Variants in CACNA1E observed in about 807,000 individuals in gnomAD.
CACNA1E encodes voltage-dependent R-type calcium channel subunit alpha-1E.
Under a neutral mutation model 259.2 loss-of-function variants are expected in CACNA1E, and 40 were observed. The observed-to-expected ratio is 0.15, with a 90% CI of 0.12 to 0.20. CACNA1E has a LOEUF of 0.20. Ranked by LOEUF, CACNA1E falls within the 10% of genes least tolerant of loss-of-function variation. The pLI, the probability that CACNA1E is intolerant of heterozygous loss-of-function variation, is 1.00. For synonymous variants in CACNA1E, 1,104 were observed against 1,138.5 expected (o/e 0.97, Z 0.61); for missense variants, 1,874 against 3,040.1 (o/e 0.62, Z 9.02).
chr1:181,635,121 C>T (rs924709722), intron 6 of CACNA1E, among the ~76,000 whole-genome samples: 1 of 152,236 alleles, frequency 6.6e-6, no homozygotes, highest in Non-Finnish European at 1.5e-5. Flanking sequence ...TGCTATGAAG[C>T]AGCCTTTCCA....
At chr1:181,567,037 A>G (rs1253379058) in intron 3 of CACNA1E, among the ~76,000 whole-genome samples, 2 of 152,154 alleles carry the variant, frequency 1.3e-5, no homozygotes, top group Non-Finnish European at 2.9e-5. Flanking sequence ...CCAAACATCA[A>G]TACAACATCT....
rs1160746865 is a variant in CACNA1E, at chr1:181,731,199, C to T, written c.2265C>T (p.His755=). 1.2e-6 allele frequency: 2 copies of T among 1,613,734 alleles called. No individual in the cohort carries two copies. The highest frequency in any genetic ancestry group is 1.7e-5 in the Admixed American group (1 of 60,002). The change falls in exon 19 of 48, where the codon CAC becomes CAT. Residue 755 remains histidine, a synonymous_variant. Transcript: ENST00000367573. ...GAAGAGACAGAAGGAGAAGACACCA[C>T]ATGTCGATGTGGGAGCCACGCAGCA... is the stretch of plus-strand genomic sequence containing the variant. ...SIERDRRRRH[H]MSMWEPRSSH...
rs1339055551 is a variant in CACNA1E, at chr1:181,805,314, C to T, written c.*6480C>T. The T allele has an allele frequency of 1.3e-5, 2 of 152,002 alleles. No homozygotes were observed. Among genetic ancestry groups the T allele is most frequent in the Admixed American group, 6.5e-5 (1 of 15,268 alleles). 9.4% of individuals were successfully genotyped at this position (152,002 alleles called of 1,614,324 possible). On this transcript the variant is annotated 3_prime_UTR_variant, in exon 48 of 48. Transcript: ENST00000367573. ...CCAGTACTCTAATTTTTTTTTATGG[C>T]AATGGCCTATATGGCACAAGAACCA... is the stretch of plus-strand genomic sequence containing the variant.
chr1:181,386,515 G>A (rs915165789), intron 1 of CACNA1E, among the ~76,000 whole-genome samples: 3 of 152,170 alleles, frequency 2.0e-5, no homozygotes, highest in African/African-American at 7.2e-5. Context: ...AGGGGGTGAG[G>A]ACAATCAGGA....
At chr1:181,618,904 C>G (rs1338255358) in intron 6 of CACNA1E, among the ~76,000 whole-genome samples, 1 of 152,170 alleles carries the variant, frequency 6.6e-6, no homozygotes, top group Admixed American at 6.5e-5. Context: ...GTTAATCTGG[C>G]CCTAAAGTAC....
chr1:181,556,563 T>C (rs1378857868), intron 3 of CACNA1E, among the ~76,000 whole-genome samples: 1 of 152,216 alleles, frequency 6.6e-6, no homozygotes, highest in African/African-American at 2.4e-5. Context: ...CCTCTGAGCA[T>C]TGATCTTTGA....
chr1:181,352,853 C>T (rs1473782872), intron 1 of CACNA1E, among the ~76,000 whole-genome samples: 1 of 152,058 alleles, frequency 6.6e-6, no homozygotes, highest in Non-Finnish European at 1.5e-5. Flanking sequence ...CAAATAAGAT[C>T]GACTCCCTGA....
At chr1:181,736,705 T>C (rs1656068185) in intron 22 of CACNA1E, among the ~76,000 whole-genome samples, 1 of 152,196 alleles carries the variant, frequency 6.6e-6, no homozygotes, top group African/African-American at 2.4e-5. Context: ...TCTTTACCAG[T>C]CTTTGGTCAG....
intron 3 of CACNA1E, among the ~76,000 whole-genome samples, chr1:181,559,683 A>G (rs978474914): frequency 6.6e-6 from 1 of 152,194 alleles, no homozygotes; most frequent in African/African-American, 2.4e-5. Flanking sequence ...CCCTGTAATG[A>G]GTCATTTTCA....
intron 1 of CACNA1E, among the ~76,000 whole-genome samples, chr1:181,492,568 A>G (rs1481729717): frequency 1.3e-5 from 2 of 152,206 alleles, no homozygotes; most frequent in Non-Finnish European, 2.9e-5. Flanking sequence ...CATTATTTCA[A>G]AAATGGACTA....
At chr1:181,684,204 G>T (rs893330970) in intron 7 of CACNA1E, among the ~76,000 whole-genome samples, 1 of 152,068 alleles carries the variant, frequency 6.6e-6, no homozygotes, top group African/African-American at 2.4e-5. Flanking sequence ...TCTCATTGTG[G>T]TTTTGATTTG....
At chr1:181,347,605 ACTC>A (rs965852340) in intron 1 of CACNA1E, among the ~76,000 whole-genome samples, 2 of 150,924 alleles carry the variant, frequency 1.3e-5, no homozygotes, top group African/African-American at 4.9e-5. Flanking sequence ...CTCTGCACCC[ACTC>A]CTCCTCCACC....
chr1:181,680,882 A>G (rs1649896093), intron 7 of CACNA1E, among the ~76,000 whole-genome samples: 1 of 152,276 alleles, frequency 6.6e-6, no homozygotes, highest in Non-Finnish European at 1.5e-5. Flanking sequence ...CTGTTGCCAT[A>G]GGTGCTAGGT....
At position 181,758,169 on chromosome 1, in the gene CACNA1E, C is replaced by A; in HGVS notation, c.4494+58C>A. 6.6e-7 allele frequency: 1 copy of A among 1,511,978 alleles called. No individual in the cohort carries two copies. The highest frequency in any genetic ancestry group is 9.1e-7 in the Non-Finnish European group (1 of 1,096,522). 93.7% of individuals were successfully genotyped at this position (1,511,978 alleles called of 1,614,324 possible). A position where few individuals can be genotyped will look rare whatever the true frequency, so the allele number is the denominator to read the frequency against. The stretch of plus-strand genomic sequence containing the variant: ...CCCCAGCGATGGTTCCCTCCCAGGG[C>A]AAGTGGGAAGACACCCCAACATCCC... On this transcript the variant is annotated intron_variant, in intron 31 of 47. Coordinates refer to ENST00000367573, the MANE Select transcript of CACNA1E (RefSeq NM_001205293.3). The surrounding 1 kb of genome is among the most constrained non-coding windows in gnomAD (Gnocchi z 4.2).
intron 1 of CACNA1E, among the ~76,000 whole-genome samples, chr1:181,388,332 C>A (rs774648492): frequency 2.0e-5 from 3 of 152,186 alleles, no homozygotes; most frequent in Non-Finnish European, 2.9e-5. Flanking sequence ...AGAGGAAATA[C>A]AGTCATGTGT....
At chr1:181,335,793 A>G (rs959330139) in intron 1 of CACNA1E, among the ~76,000 whole-genome samples, 1 of 151,838 alleles carries the variant, frequency 6.6e-6, no homozygotes, top group Non-Finnish European at 1.5e-5. Flanking sequence ...TGCTGGGGGG[A>G]ATTTGGATGA....
At chr1:181,674,831 C>T (rs1003052169) in intron 7 of CACNA1E, among the ~76,000 whole-genome samples, 1 of 152,188 alleles carries the variant, frequency 6.6e-6, no homozygotes, top group African/African-American at 2.4e-5. Flanking sequence ...ATTTCACCTG[C>T]AGGTGCCAGC....
At chr1:181,492,352 A>G (rs945914321) in intron 1 of CACNA1E, among the ~76,000 whole-genome samples, 19 of 152,218 alleles carry the variant, frequency 1.2e-4, no homozygotes, top group African/African-American at 4.6e-4. Flanking sequence ...GCTTTGTGTG[A>G]TTTATAATTC....
intron 37 of CACNA1E, among the ~76,000 whole-genome samples, chr1:181,772,965 C>A (rs1418673935): frequency 2.6e-5 from 4 of 152,130 alleles, no homozygotes; most frequent in African/African-American, 9.7e-5. Flanking sequence ...GCATATCAGA[C>A]AAGCAGTGAT....
Sources: allele counts gnomAD v4.1 joint callset (sites outside exome capture counted in the v4.1 genomes callset), GRCh38; gene constraint gnomAD v4.1.1; non-coding constraint Gnocchi (gnomAD v3.1); transcripts MANE v1.5; gene names NCBI Gene and HGNC (gene_info 2026-07-23, HGNC 2026-07-21).